PRR16: variants seen among roughly 807,000 people sequenced by gnomAD.
The protein encoded by PRR16 is proline rich 16.
Under a neutral mutation model 18.2 loss-of-function variants are expected in PRR16, and 6 were observed. The observed-to-expected ratio is 0.33, with a 90% confidence interval of 0.18 to 0.65. PRR16 has a LOEUF of 0.65. Ranked by LOEUF, PRR16 falls within the 30% of genes least tolerant of loss-of-function variation. The pLI, the probability that PRR16 is intolerant of heterozygous loss-of-function variation, is 0.74. For synonymous variants in PRR16, 151 were observed against 147.8 expected (o/e 1.02, Z -0.16); for missense variants, 412 against 376.6 (o/e 1.09, Z -0.78).
rs375258393 is a variant in PRR16, at chr5:120,506,886, A to G, written c.159+42241A>G. On this transcript the variant is annotated intron_variant, in intron 1 of 1. Transcript: ENST00000407149. Reference sequence around the variant, plus strand: ...TAAGTTTCCCATTTGTTCCCATCTTATCTTTGAGCACAGTGGGGTCCCAAG... The same window carrying G: ...TAAGTTTCCCATTTGTTCCCATCTTGTCTTTGAGCACAGTGGGGTCCCAAG... 1.1e-3 allele frequency among the ~76,000 whole-genome samples: 161 copies of G among 152,206 alleles called. 1 individual carries two copies. Among genetic ancestry groups the G allele is most frequent in the Middle Eastern group, 3.4e-3 (1 of 294 alleles).
chr5:120,788,100 G>C, the PRR16 span, among the ~76,000 whole-genome samples: 1 of 151,682 alleles, frequency 6.6e-6, no homozygotes, highest in Non-Finnish European at 1.5e-5. Flanking sequence ...GCCACCTTTT[G>C]TAGGCTCACT....
intron 1 of PRR16, among the ~76,000 whole-genome samples, chr5:120,515,699 G>A (rs777053663): frequency 6.6e-6 from 1 of 152,044 alleles, no homozygotes; most frequent in Non-Finnish European, 1.5e-5. Context: ...GTATGTATGT[G>A]GATATTTATT....
chr5:120,768,663 GA>G, the PRR16 span, among the ~76,000 whole-genome samples: 6 of 151,114 alleles, frequency 4.0e-5, no homozygotes, highest in East Asian at 1.9e-4. Context: ...GAATTATTTT[GA>G]AAAAAAATAA....
chr5:120,576,287 A>G (rs1323897515), intron 1 of PRR16, among the ~76,000 whole-genome samples: 1 of 152,190 alleles, frequency 6.6e-6, no homozygotes, highest in African/African-American at 2.4e-5. Context: ...AAATATATAA[A>G]AGACTCAAAC....
chr5:120,528,739 T>C (rs896222457), intron 1 of PRR16, among the ~76,000 whole-genome samples: 1 of 152,124 alleles, frequency 6.6e-6, no homozygotes, highest in African/African-American at 2.4e-5. Flanking sequence ...GTTTTACTCC[T>C]GAAGCCTGAG....
the PRR16 span, among the ~76,000 whole-genome samples, chr5:120,766,036 AGTTT>A: frequency 6.6e-6 from 1 of 151,996 alleles, no homozygotes; most frequent in Non-Finnish European, 1.5e-5. Flanking sequence ...TGGCCTTTGC[AGTTT>A]AGGGCTATTA....
At chr5:120,708,451 T>G in the PRR16 span, among the ~76,000 whole-genome samples, 4 of 152,226 alleles carry the variant, frequency 2.6e-5, no homozygotes, top group African/African-American at 9.6e-5. Flanking sequence ...GGTTGAATTT[T>G]AATTGTCAGA....
chr5:120,555,582 C>T (rs1317265951), intron 1 of PRR16, among the ~76,000 whole-genome samples: 1 of 151,684 alleles, frequency 6.6e-6, no homozygotes, highest in Non-Finnish European at 1.5e-5. Context: ...GAACACTCAT[C>T]CCATCATGGA....
chr5:120,575,430 T>A (rs1438331628), intron 1 of PRR16, among the ~76,000 whole-genome samples: 1 of 149,398 alleles, frequency 6.7e-6, no homozygotes, highest in African/African-American at 2.5e-5. Flanking sequence ...GCAAACTGAA[T>A]ACAACAGCAC....
chr5:120,474,281 A>T (rs1444847565), intron 1 of PRR16, among the ~76,000 whole-genome samples: 2 of 152,036 alleles, frequency 1.3e-5, no homozygotes, highest in Non-Finnish European at 2.9e-5. Context: ...TTGAGTGGAT[A>T]ATTCTTTGTT....
In PRR16 at chr5:120,488,974, C is replaced by G. The variant is rs145034997; in HGVS notation, c.159+24329C>G. On this transcript the variant is annotated intron_variant, in intron 1 of 1. Coordinates refer to ENST00000407149, the MANE Select transcript of PRR16 (RefSeq NM_001300783.2). Reference sequence around the variant, plus strand: ...AGTTGAGTGGTTTTGAAGTGAGTTTCTTAATCCTGAGTTCTAGTTTGATTG... The same window carrying G: ...AGTTGAGTGGTTTTGAAGTGAGTTTGTTAATCCTGAGTTCTAGTTTGATTG... Among the ~76,000 whole-genome samples, 665 of 152,276 alleles carry G rather than the reference C, an allele frequency of 4.4e-3. 3 individuals carry two copies. The highest frequency in any genetic ancestry group is 4.4e-3 in the Non-Finnish European group (300 of 68,036).
chr5:120,633,655 A>G (rs1755132402), intron 1 of PRR16, among the ~76,000 whole-genome samples: 1 of 152,178 alleles, frequency 6.6e-6, no homozygotes, highest in Non-Finnish European at 1.5e-5. Flanking sequence ...TAAAAGAACT[A>G]GCCTGACAGG....
At chr5:120,538,798 C>G (rs142325566) in intron 1 of PRR16, among the ~76,000 whole-genome samples, 2 of 152,302 alleles carry the variant, frequency 1.3e-5, no homozygotes, top group Non-Finnish European at 2.9e-5. Flanking sequence ...TGAATTACCT[C>G]ACTGCTCTCT....
chr5:120,708,162 T>A, the PRR16 span, among the ~76,000 whole-genome samples: 4 of 152,190 alleles, frequency 2.6e-5, no homozygotes, highest in Non-Finnish European at 5.9e-5. Flanking sequence ...CCCAGTTAAA[T>A]CTCCTAAATT....
chr5:120,704,063 A>C, the PRR16 span, among the ~76,000 whole-genome samples: 1 of 152,206 alleles, frequency 6.6e-6, no homozygotes, highest in Admixed American at 6.5e-5. Context: ...CCATTGTCAA[A>C]ATTCAAACAC....
chr5:120,599,562 A>C (rs1395059356), intron 1 of PRR16, among the ~76,000 whole-genome samples: 1 of 151,922 alleles, frequency 6.6e-6, no homozygotes, highest in Non-Finnish European at 1.5e-5. Context: ...CTTATTTTCA[A>C]GTTTTTGTCA....
Position 120,686,764 on chromosome 5 carries a change from A to G in PRR16, c.*55A>G, listed in dbSNP as rs779709996. The stretch of plus-strand genomic sequence containing the variant: ...ATTTTCTATATTATAAACATAAAAT[A>G]AGTAATGAGCACTTTCTACTCAAGC... On this transcript the variant is annotated 3_prime_UTR_variant, in exon 2 of 2. Coordinates refer to ENST00000407149, the MANE Select transcript of PRR16 (RefSeq NM_001300783.2). 19 of 1,294,402 alleles carry G rather than the reference A, an allele frequency of 1.5e-5. No homozygotes were observed. Among genetic ancestry groups the G allele is most frequent in the Non-Finnish European group, 1.8e-5 (18 of 988,978 alleles). The allele number at this position is 1,294,402 out of a possible 1,614,324, so 80.2% of individuals were successfully genotyped here.
At chr5:120,576,855 G>T (rs910076312) in intron 1 of PRR16, among the ~76,000 whole-genome samples, 1 of 152,020 alleles carries the variant, frequency 6.6e-6, no homozygotes, top group Non-Finnish European at 1.5e-5. Flanking sequence ...TGCAGGTCTT[G>T]AGAGTTTTCT....
intron 1 of PRR16, among the ~76,000 whole-genome samples, chr5:120,593,006 G>C (rs1753686707): frequency 6.6e-6 from 1 of 152,034 alleles, no homozygotes; most frequent in African/African-American, 2.4e-5. Flanking sequence ...CTCGGTCACA[G>C]CTAAGGCAGT....
Sources: allele counts gnomAD v4.1 joint callset (sites outside exome capture counted in the v4.1 genomes callset), GRCh38; gene constraint gnomAD v4.1.1; transcripts MANE v1.5; gene names NCBI Gene and HGNC (gene_info 2026-07-23, HGNC 2026-07-21).